GLYATL1: variants seen among roughly 807,000 people sequenced by gnomAD.
GLYATL1 encodes glycine-N-acyltransferase like 1, also known as glycine N-acyltransferase-like protein 1.
A neutral mutation model predicts 20.0 loss-of-function variants in GLYATL1; 15 were observed. That is an observed-to-expected ratio of 0.75 (90% CI 0.50 to 1.15). The LOEUF is 1.15. Among genes scored for constraint, GLYATL1 ranks in the 50% most tolerant of loss-of-function variants. The pLI is 0.00. For missense variants in GLYATL1, 380 were observed against 368.5 expected (o/e 1.03, Z -0.26); for synonymous variants, 151 against 131.5 (o/e 1.15, Z -1.01).
intron 1 of GLYATL1, among the ~76,000 whole-genome samples, chr11:58,919,636 G>T (rs573654685): frequency 5.2e-4 from 79 of 152,092 alleles, no homozygotes; most frequent in Non-Finnish European, 9.3e-4. Context: ...CCCCGAAAAG[G>T]TACAAATAAA....
intron 1 of GLYATL1, among the ~76,000 whole-genome samples, chr11:58,941,661 T>G (rs932752585): frequency 5.3e-5 from 8 of 152,266 alleles, no homozygotes; most frequent in South Asian, 4.1e-4. Flanking sequence ...AATAGAGTTT[T>G]TATAGGTCTA....
intron 1 of GLYATL1, chr11:58,943,299 A>C (rs1452534234): frequency 6.5e-7 from 1 of 1,550,240 alleles, no homozygotes; most frequent in Non-Finnish European, 8.7e-7. Flanking sequence ...AGACTGCTGA[A>C]TGTTCAAACT....
At chr11:58,913,407 T>C (rs909309091), downstream of GLYATL1, among the ~76,000 whole-genome samples, 1 of 152,088 alleles carries the variant, frequency 6.6e-6, no homozygotes, top group Non-Finnish European at 1.5e-5. Flanking sequence ...AAGTGGGTTT[T>C]GAAACTAAAA....
intron 4 of GLYATL1, among the ~76,000 whole-genome samples, chr11:58,948,572 T>G (rs1350815459): frequency 6.6e-6 from 1 of 152,002 alleles, no homozygotes; most frequent in African/African-American, 2.4e-5. Flanking sequence ...CCCCAGAAGG[T>G]CGAGGTTGCA....
intron 3 of GLYATL1, 85 bp downstream of exon 3, chr11:58,947,250 G>T (rs1856636384): frequency 1.3e-6 from 2 of 1,512,624 alleles, no homozygotes; most frequent in South Asian, 1.3e-5. Flanking sequence ...AGTCCTTCCT[G>T]ACTGTTTGCA....
At chr11:58,951,747 G>T (rs894031197) in intron 4 of GLYATL1, among the ~76,000 whole-genome samples, 3 of 151,830 alleles carry the variant, frequency 2.0e-5, no homozygotes, top group Non-Finnish European at 4.4e-5. Context: ...TTTACCCTTA[G>T]GTATTTTATA....
chr11:58,955,077 G>C lies in GLYATL1; in HGVS notation c.314-99G>C, dbSNP rs1218717337. 15 of 1,305,812 alleles carry C rather than the reference G, an allele frequency of 1.1e-5. No individual in the cohort carries two copies. The East Asian group carries it at 3.0e-4, about 26-fold the overall frequency. 80.9% of individuals were successfully genotyped at this position (1,305,812 alleles called of 1,614,324 possible). A position where few individuals can be genotyped will look rare whatever the true frequency, so the allele number is the denominator to read the frequency against. On this transcript the variant is annotated intron_variant, in intron 5 of 6. Transcript: ENST00000532726. Reference sequence around the variant, plus strand: ...CCATCTGACTGTGGTGTAAACTCAAGTTTGAGAACTACTAAGCACTGAGGT... The same window carrying C: ...CCATCTGACTGTGGTGTAAACTCAACTTTGAGAACTACTAAGCACTGAGGT...
chr11:58,917,630 G>A (rs966164129), intron 1 of GLYATL1, among the ~76,000 whole-genome samples: 2 of 152,180 alleles, frequency 1.3e-5, no homozygotes, highest in African/African-American at 2.4e-5. Flanking sequence ...TTTTGCTATG[G>A]TGCCTAGATG....
At chr11:58,913,241 G>A (rs531578), downstream of GLYATL1, among the ~76,000 whole-genome samples, 41,195 of 151,856 alleles carry the variant, frequency 0.27, 6,122 homozygotes, top group Middle Eastern at 0.36. Context: ...TATTCCACAG[G>A]CATCCAGGCT....
At chr11:58,941,038 AT>A (rs139433113) in intron 1 of GLYATL1, among the ~76,000 whole-genome samples, 1 of 151,862 alleles carries the variant, frequency 6.6e-6, no homozygotes, top group African/African-American at 2.4e-5. Flanking sequence ...AGGAGTAGTA[AT>A]TTTTTTTATT....
At chr11:58,945,274 C>T (rs925363886) in intron 2 of GLYATL1, among the ~76,000 whole-genome samples, 3 of 151,762 alleles carry the variant, frequency 2.0e-5, no homozygotes, top group African/African-American at 7.3e-5. Flanking sequence ...GAGGGGTCTC[C>T]CCAGGTTTTT....
chr11:58,914,567 C>G (rs188977504), intron 1 of GLYATL1, among the ~76,000 whole-genome samples: 66 of 152,166 alleles, frequency 4.3e-4, no homozygotes, highest in Non-Finnish European at 8.5e-4. Flanking sequence ...ATCGCATGAT[C>G]AAAAAATGGT....
chr11:58,939,720 T>C (rs973898326), intron 1 of GLYATL1, 70 bp downstream of exon 1: 16 of 152,212 alleles, frequency 1.1e-4, no homozygotes, highest in Non-Finnish European at 2.4e-4. Flanking sequence ...TAAAGGAATT[T>C]CCACTTGCGG....
downstream of GLYATL1, among the ~76,000 whole-genome samples, chr11:58,912,874 A>G (rs1855084459): frequency 6.6e-6 from 1 of 152,234 alleles, no homozygotes; most frequent in Non-Finnish European, 1.5e-5. Flanking sequence ...CAGGAAACAC[A>G]CAAATAGAAA....
chr11:58,907,648 T>C (rs1854934135), exon 2 of GLYATL1: 2 of 210,912 alleles, frequency 9.5e-6, no homozygotes, highest in Non-Finnish European at 2.0e-5. Flanking sequence ...TCATTGTGGG[T>C]CATATTTTTT....
At position 58,955,864 on chromosome 11, in the gene GLYATL1, T is replaced by G; in HGVS notation, c.746T>G (p.Val249Gly). The G allele has an allele frequency of 6.2e-7, 1 of 1,614,216 alleles. No individual in the cohort carries two copies. Among genetic ancestry groups the G allele is most frequent in the Admixed American group, 1.7e-5 (1 of 60,020 alleles). ...ACAGGCAACATGGCACGAGTGATGG[T>G]GCGATACATGAAATATCTGCGTCAG... Reference protein sequence around the residue: ...RRTGNMARVMVRYMKYLRQKN... With the variant: ...RRTGNMARVMGRYMKYLRQKN... Residue 249 changes from valine to glycine, a missense_variant, in exon 7 of 7, where the codon GTG becomes GGG. Transcript: ENST00000532726.
intron 1 of GLYATL1, among the ~76,000 whole-genome samples, chr11:58,933,124 A>C (rs12222597): frequency 0.18 from 27,597 of 152,034 alleles, 2,876 homozygotes; most frequent in East Asian, 0.31. Flanking sequence ...ACACAGGAAG[A>C]GGGGCACAAT....
upstream of GLYATL1, chr11:58,939,425 C>G (rs570745842): frequency 1.3e-5 from 2 of 152,252 alleles, no homozygotes; most frequent in Non-Finnish European, 2.9e-5. Flanking sequence ...GCTGCAGGAC[C>G]TAGACCACAC....
At chr11:58,943,752 G>C in intron 2 of GLYATL1, 86 bp downstream of exon 2, 32 of 1,550,822 alleles carry the variant, frequency 2.1e-5, no homozygotes, top group Non-Finnish European at 2.8e-5. Context: ...GATCCAAACT[G>C]GGTTTGGAGT....
Sources: gnomAD v4.1 joint callset for allele counts (sites outside exome capture counted in the v4.1 genomes callset) on GRCh38, gnomAD v4.1.1 for gene constraint, MANE v1.5 for transcripts, NCBI Gene and HGNC (gene_info 2026-07-23, HGNC 2026-07-21) for gene names.